Variants in WWOX observed in about 807,000 individuals in gnomAD.
The protein encoded by WWOX is WW domain-containing oxidoreductase.
A neutral mutation model predicts 46.2 loss-of-function variants in WWOX; 69 were observed. The ratio of observed to expected loss-of-function variants is 1.49; its 90% confidence interval spans 1.23 to 1.82. The LOEUF is 1.82. Among genes scored for constraint, WWOX ranks in the 40% most tolerant of loss-of-function variants. The pLI is 0.00. For missense variants in WWOX, 919 were observed against 542.6 expected (o/e 1.69, Z -6.89); for synonymous variants, 359 against 202.6 (o/e 1.77, Z -6.56).
At chr16:78,641,871 C>G (rs879198865) in intron 8 of WWOX, among the ~76,000 whole-genome samples, 1 of 152,154 alleles carries the variant, frequency 6.6e-6, no homozygotes, top group Non-Finnish European at 1.5e-5. Flanking sequence ...TAACGGGGAG[C>G]CGAAATTATT....
intron 8 of WWOX, among the ~76,000 whole-genome samples, chr16:78,901,983 A>G (rs907631913): frequency 1.3e-5 from 2 of 152,226 alleles, no homozygotes; most frequent in African/African-American, 4.8e-5. Flanking sequence ...TCTAAGTGGC[A>G]GATTTGCCTT....
chr16:78,586,573 G>A lies in WWOX; in HGVS notation c.1056+153821G>A, dbSNP rs981956693. On this transcript the variant is annotated intron_variant, in intron 8 of 8. Coordinates refer to ENST00000566780, the MANE Select transcript of WWOX (RefSeq NM_016373.4). Reference sequence around the variant, plus strand: ...CGCTTGTTATCTCCATTTTAGAAACGAGAAAATGGTGACTCAGATTAAGAA... The same window carrying A: ...CGCTTGTTATCTCCATTTTAGAAACAAGAAAATGGTGACTCAGATTAAGAA... 2.6e-5 allele frequency among the ~76,000 whole-genome samples: 4 copies of A among 152,236 alleles called. No homozygotes were observed. The East Asian group carries it at 7.7e-4, about 29-fold the overall frequency.
intron 5 of WWOX, among the ~76,000 whole-genome samples, chr16:78,271,442 T>C (rs116530282): frequency 0.012 from 1,771 of 152,370 alleles, 30 homozygotes; most frequent in African/African-American, 0.038. Flanking sequence ...CTTGCTGGGC[T>C]GTTTCAGCAT....
intron 5 of WWOX, among the ~76,000 whole-genome samples, chr16:78,196,398 T>C (rs1008420598): frequency 5.9e-5 from 9 of 152,244 alleles, no homozygotes; most frequent in Admixed American, 1.3e-4. Flanking sequence ...GAGTAATTAC[T>C]GCTGTACTCT....
chr16:78,789,441 C>T (rs1440866532), intron 8 of WWOX, among the ~76,000 whole-genome samples: 1 of 152,134 alleles, frequency 6.6e-6, no homozygotes, highest in Admixed American at 6.5e-5. Context: ...GCACCCTTAT[C>T]AGAGATCAAT....
At chr16:78,425,670 A>G (rs1348736131) in intron 7 of WWOX, among the ~76,000 whole-genome samples, 1 of 152,196 alleles carries the variant, frequency 6.6e-6, no homozygotes, top group African/African-American at 2.4e-5. Context: ...TTTTCAGCAT[A>G]TTTGTTTCTA....
At chr16:79,016,351 C>G (rs2047412354) in intron 8 of WWOX, 1 of 152,238 alleles carries the variant, frequency 6.6e-6, no homozygotes, top group Non-Finnish European at 1.5e-5. Flanking sequence ...CTGCAGTCTT[C>G]TTCCCATTGC....
intron 5 of WWOX, among the ~76,000 whole-genome samples, chr16:78,194,556 C>G (rs1029804366): frequency 6.9e-6 from 1 of 145,212 alleles, no homozygotes; most frequent in Non-Finnish European, 1.5e-5. Flanking sequence ...CTACTGCACT[C>G]CAGGCTGGGC....
intron 8 of WWOX, among the ~76,000 whole-genome samples, chr16:79,031,086 C>G (rs1177838727): frequency 2.9e-5 from 3 of 104,388 alleles, no homozygotes; most frequent in Admixed American, 1.1e-4. Flanking sequence ...GAGTGAGACC[C>G]TGTCTCAAAA....
chr16:78,951,306 G>A (rs1193156910), intron 8 of WWOX, among the ~76,000 whole-genome samples: 1 of 149,304 alleles, frequency 6.7e-6, no homozygotes, highest in Non-Finnish European at 1.5e-5. Context: ...AATGCTCAGG[G>A]AATATTGGTG....
chr16:78,676,831 G>C (rs572319171), intron 8 of WWOX, among the ~76,000 whole-genome samples: 1 of 152,150 alleles, frequency 6.6e-6, no homozygotes, highest in African/African-American at 2.4e-5. Flanking sequence ...AGGACCTCAG[G>C]AAAAATAATA....
intron 8 of WWOX, among the ~76,000 whole-genome samples, chr16:78,999,607 A>C (rs756265938): frequency 1.3e-5 from 2 of 152,220 alleles, no homozygotes; most frequent in Non-Finnish European, 2.9e-5. Flanking sequence ...AAGAAATTTT[A>C]GGAATACTTT....
intron 5 of WWOX, among the ~76,000 whole-genome samples, chr16:78,174,987 C>G (rs1158466734): frequency 1.1e-5 from 1 of 92,334 alleles, no homozygotes; most frequent in Non-Finnish European, 2.3e-5. Context: ...GACTCTGTCT[C>G]AAAAATAATA....
chr16:78,406,467 C>A (rs1220698108), intron 6 of WWOX, among the ~76,000 whole-genome samples: 1 of 149,970 alleles, frequency 6.7e-6, no homozygotes, highest in African/African-American at 2.4e-5. Context: ...ATTCCCCTGC[C>A]TTAGCCTCCT....
intron 8 of WWOX, among the ~76,000 whole-genome samples, chr16:79,193,894 G>C (rs1177396974): frequency 6.6e-6 from 1 of 152,192 alleles, no homozygotes; most frequent in Non-Finnish European, 1.5e-5. Flanking sequence ...CTAGCTCCTT[G>C]CCTTCTGTAC....
intron 8 of WWOX, among the ~76,000 whole-genome samples, chr16:78,703,172 T>A (rs1026575026): frequency 6.6e-6 from 1 of 152,006 alleles, no homozygotes; most frequent in African/African-American, 2.4e-5. Flanking sequence ...GTTTTTATGA[T>A]GTTCCTTCTC....
At chr16:79,077,624 G>A (rs2048682449) in intron 8 of WWOX, 1 of 144,536 alleles carries the variant, frequency 6.9e-6, no homozygotes, top group Non-Finnish European at 1.5e-5. Flanking sequence ...TCCACCCAAT[G>A]TCCTTAAATG....
chr16:78,559,839 C>G (rs2044391673), intron 8 of WWOX, among the ~76,000 whole-genome samples: 1 of 152,288 alleles, frequency 6.6e-6, no homozygotes, highest in Middle Eastern at 3.4e-3. Flanking sequence ...AGGCACAAAA[C>G]AACAGGCTCC....
chr16:78,387,474 C>G (rs932251686), intron 6 of WWOX, among the ~76,000 whole-genome samples: 2 of 151,876 alleles, frequency 1.3e-5, no homozygotes, highest in South Asian at 2.1e-4. Context: ...TTCAGTCTTT[C>G]AAAATTCCAG....
Sources: gnomAD v4.1 joint callset for allele counts (sites outside exome capture counted in the v4.1 genomes callset) on GRCh38, gnomAD v4.1.1 for gene constraint, MANE v1.5 for transcripts, NCBI Gene and HGNC (gene_info 2026-07-23, HGNC 2026-07-21) for gene names.